The following CDH2 variants were observed in gnomAD, a reference collection of about 807,000 sequenced individuals.
CDH2 encodes the protein cadherin-2.
A neutral mutation model predicts 92.0 loss-of-function variants in CDH2; 17 were observed. The ratio of observed to expected loss-of-function variants is 0.18; its 90% CI spans 0.13 to 0.28. CDH2 has a LOEUF of 0.28. CDH2 is among the 10% of genes least tolerant of loss of function. The pLI, the probability that CDH2 is intolerant of heterozygous loss-of-function variation, is 1.00. For missense variants in CDH2, 862 were observed against 1,133.1 expected (o/e 0.76, Z 3.44); for synonymous variants, 419 against 415.9 (o/e 1.01, Z -0.09).
chr18:28,169,926 T>C (rs2016439706), intron 1 of CDH2, among the ~76,000 whole-genome samples: 1 of 152,256 alleles, frequency 6.6e-6, no homozygotes. Flanking sequence ...CAGTTCCACA[T>C]ACTAGTAAGG....
chr18:28,011,424 T>C (rs2013095665), intron 4 of CDH2, among the ~76,000 whole-genome samples: 1 of 152,212 alleles, frequency 6.6e-6, no homozygotes, highest in African/African-American at 2.4e-5. Context: ...GGTGCTGGCA[T>C]TTTTAACAAT....
At chr18:28,051,091 T>A (rs934425273) in intron 2 of CDH2, among the ~76,000 whole-genome samples, 3 of 152,182 alleles carry the variant, frequency 2.0e-5, no homozygotes, top group African/African-American at 7.2e-5. Context: ...AAAAAATAGG[T>A]AACTATGAAC....
intron 2 of CDH2, among the ~76,000 whole-genome samples, chr18:28,078,594 T>A (rs185150028): frequency 3.3e-5 from 5 of 151,924 alleles, no homozygotes; most frequent in Admixed American, 3.3e-4. Flanking sequence ...CTGCCTCAAC[T>A]CCCTCATATT....
intron 2 of CDH2, among the ~76,000 whole-genome samples, chr18:28,128,298 T>C (rs1157338296): frequency 6.6e-6 from 1 of 152,206 alleles, no homozygotes; most frequent in Non-Finnish European, 1.5e-5. Context: ...AAGTCACAGA[T>C]TCTGCATCAA....
chr18:28,153,895 A>C (rs1391325130), intron 1 of CDH2, among the ~76,000 whole-genome samples: 2 of 152,190 alleles, frequency 1.3e-5, no homozygotes, highest in East Asian at 3.9e-4. Flanking sequence ...GGTAGGTCTC[A>C]AACTTACTCA....
intron 2 of CDH2, among the ~76,000 whole-genome samples, chr18:28,135,370 G>T (rs2015844456): frequency 1.3e-5 from 2 of 152,030 alleles, no homozygotes; most frequent in Non-Finnish European, 1.5e-5. Context: ...TTTAATTATT[G>T]CTTAGGAAAT....
chr18:28,023,523 C>T (rs1223826899), intron 2 of CDH2, among the ~76,000 whole-genome samples: 1 of 151,964 alleles, frequency 6.6e-6, no homozygotes, highest in Non-Finnish European at 1.5e-5. Context: ...CAGGGTTTTA[C>T]CATGTTGGCC....
At chr18:28,129,211 G>T (rs1354552903) in intron 2 of CDH2, among the ~76,000 whole-genome samples, 1 of 152,094 alleles carries the variant, frequency 6.6e-6, no homozygotes, top group Non-Finnish European at 1.5e-5. Flanking sequence ...GAGTCAAAAG[G>T]TGATGCATTG....
At chr18:28,051,365 CTAAA>C (rs1250541327) in intron 2 of CDH2, among the ~76,000 whole-genome samples, 1 of 152,052 alleles carries the variant, frequency 6.6e-6, no homozygotes, top group African/African-American at 2.4e-5. Context: ...TGGGAAAATA[CTAAA>C]TAGATTTCAA....
At chr18:28,110,150 A>G (rs1241918368) in intron 2 of CDH2, among the ~76,000 whole-genome samples, 1 of 152,244 alleles carries the variant, frequency 6.6e-6, no homozygotes. Flanking sequence ...GAACACACTC[A>G]TGCTGTACTA....
At chr18:28,162,084 A>G (rs2016314770) in intron 1 of CDH2, among the ~76,000 whole-genome samples, 1 of 152,172 alleles carries the variant, frequency 6.6e-6, no homozygotes. Flanking sequence ...CTATGTACTG[A>G]TTCTTTTGTC....
intron 2 of CDH2, among the ~76,000 whole-genome samples, chr18:28,117,158 C>T (rs2015508247): frequency 6.6e-6 from 1 of 151,980 alleles, no homozygotes; most frequent in Non-Finnish European, 1.5e-5. Context: ...AAGGGGATGC[C>T]ATGGCACACA....
intron 1 of CDH2, among the ~76,000 whole-genome samples, chr18:28,155,670 TTAA>T (rs2016197827): frequency 6.6e-6 from 1 of 152,164 alleles, no homozygotes; most frequent in Non-Finnish European, 1.5e-5. Context: ...ACATAAACAG[TTAA>T]TGAAGACACT....
At chr18:28,174,133 C>T (rs1233015683) in intron 1 of CDH2, among the ~76,000 whole-genome samples, 3 of 151,914 alleles carry the variant, frequency 2.0e-5, no homozygotes, top group Admixed American at 6.6e-5. Context: ...GCACAGAGTC[C>T]TTTGAATATT....
At chr18:28,128,833 C>CA (rs559382668) in intron 2 of CDH2, among the ~76,000 whole-genome samples, 102 of 152,210 alleles carry the variant, frequency 6.7e-4, no homozygotes, top group African/African-American at 2.4e-3. Flanking sequence ...CCACAGGACA[C>CA]AAAAAACACA....
chr18:28,110,718 A>C (rs769943569), intron 2 of CDH2, among the ~76,000 whole-genome samples: 10 of 152,174 alleles, frequency 6.6e-5, no homozygotes, highest in Non-Finnish European at 1.5e-4. Context: ...GTAATTGCTA[A>C]AGTGAATATG....
chr18:28,169,989 A>G (rs1354104857), intron 1 of CDH2, among the ~76,000 whole-genome samples: 4 of 152,188 alleles, frequency 2.6e-5, no homozygotes, highest in Non-Finnish European at 5.9e-5. Flanking sequence ...TTAAACATTC[A>G]ATCAGTCAGG....
In CDH2 at chr18:27,988,639, A is replaced by G. The variant is rs2012311177; in HGVS notation, c.1626T>C (p.Asn542=). The stretch of plus-strand genomic sequence containing the variant: ...CATTCACAGGATCTATTTTTAGCCA[A>G]TTGGCAGGATCAGATAATTTAGTGT... ...IRYTKLSDPA[N]WLKIDPVNGQ... The change falls in exon 11 of 16, where the codon AAT becomes AAC. Residue 542 remains asparagine, a synonymous_variant. Transcript: ENST00000269141. 1.2e-6 allele frequency: 2 copies of G among 1,606,910 alleles called. No individual in the cohort carries two copies. The highest frequency in any genetic ancestry group is 1.3e-5 in the African/African-American group (1 of 74,804).
chr18:28,120,308 T>C (rs577242144), intron 2 of CDH2, among the ~76,000 whole-genome samples: 2 of 152,066 alleles, frequency 1.3e-5, no homozygotes, highest in Non-Finnish European at 2.9e-5. Flanking sequence ...CATTTTCAGA[T>C]GGCATATCAT....
Sources: gnomAD v4.1 joint callset for allele counts (sites outside exome capture counted in the v4.1 genomes callset) on GRCh38, gnomAD v4.1.1 for gene constraint, MANE v1.5 for transcripts, NCBI Gene and HGNC (gene_info 2026-07-23, HGNC 2026-07-21) for gene names.